Variants in TMEM232 observed in about 807,000 individuals in gnomAD.
The protein encoded by TMEM232 is transmembrane protein 232.
In TMEM232, 80 loss-of-function variants were observed where a neutral mutation model predicts 78.8. The observed-to-expected ratio is 1.01, with a 90% CI of 0.85 to 1.22. The LOEUF (loss-of-function observed/expected upper bound fraction) is 1.22. Ranked by LOEUF, TMEM232 falls within the 50% of genes most tolerant of loss-of-function variation. TMEM232 has a pLI of 0.00. For synonymous variants in TMEM232, 297 were observed against 254.3 expected, an observed-to-expected ratio of 1.17 and a Z score of -1.60; for missense variants, 881 against 742.2, an observed-to-expected ratio of 1.19 and a Z score of -2.17.
At chr5:110,566,160 T>C (rs1275785050) in intron 11 of TMEM232, among the ~76,000 whole-genome samples, 1 of 151,974 alleles carries the variant, frequency 6.6e-6, no homozygotes, top group Admixed American at 6.6e-5. Context: ...ATCAGTTCTA[T>C]GCTTTTTATA....
chr5:110,596,110 G>A (rs557072480), intron 10 of TMEM232, among the ~76,000 whole-genome samples: 32 of 152,160 alleles, frequency 2.1e-4, no homozygotes, highest in African/African-American at 7.2e-4. Context: ...GAAGAGAGTT[G>A]GGGCCAATAT....
intron 12 of TMEM232, among the ~76,000 whole-genome samples, chr5:110,480,753 C>T (rs1763772148): frequency 1.3e-5 from 2 of 152,058 alleles, no homozygotes; most frequent in African/African-American, 4.8e-5. Context: ...AAAAGACCAA[C>T]TATTCCTGAT....
chr5:110,513,978 T>G (rs755656349), intron 12 of TMEM232: 1 of 169,860 alleles, frequency 5.9e-6, no homozygotes, highest in Non-Finnish European at 1.5e-5. Context: ...ACTCCCAATC[T>G]CTGGGCATTT....
At chr5:110,436,463 T>A (rs1443138811) in intron 12 of TMEM232, among the ~76,000 whole-genome samples, 1 of 152,022 alleles carries the variant, frequency 6.6e-6, no homozygotes, top group Non-Finnish European at 1.5e-5. Flanking sequence ...AAACTTTATA[T>A]GATCCCATTT....
chr5:110,456,849 C>G lies in TMEM232; in HGVS notation c.1704-31933G>C, dbSNP rs905552795. On this transcript the variant is annotated intron_variant, in intron 12 of 13. Transcript: ENST00000455884. ...AAAGAAAAAAAGAGGAACTTTGACA[C>G]ATACCTTCCATGAGATTAAAAAAGT... 5.3e-5 allele frequency among the ~76,000 whole-genome samples: 8 copies of G among 152,168 alleles called. No homozygotes were observed. The East Asian group carries it at 1.5e-3, about 29-fold the overall frequency.
intron 12 of TMEM232, among the ~76,000 whole-genome samples, chr5:110,512,730 T>C (rs1767964097): frequency 6.6e-6 from 1 of 152,146 alleles, no homozygotes; most frequent in Non-Finnish European, 1.5e-5. Flanking sequence ...CCCCCTTTCT[T>C]TGAAAGAGCA....
intron 12 of TMEM232, among the ~76,000 whole-genome samples, chr5:110,509,024 T>TG: frequency 7.0e-6 from 1 of 142,560 alleles, no homozygotes; most frequent in African/African-American, 2.7e-5. Flanking sequence ...ATATATACAA[T>TG]TATATATACA....
intron 1 of TMEM232, among the ~76,000 whole-genome samples, chr5:110,704,420 G>A (rs1384632610): frequency 2.0e-5 from 3 of 152,078 alleles, no homozygotes; most frequent in African/African-American, 7.2e-5. Context: ...GCCCTTCAAG[G>A]ATGGAAAGTA....
chr5:110,476,385 T>C (rs1052921877), intron 12 of TMEM232, among the ~76,000 whole-genome samples: 19 of 151,976 alleles, frequency 1.3e-4, no homozygotes, highest in Non-Finnish European at 2.6e-4. Context: ...GCAGCTATTT[T>C]ACAAGTCAAA....
chr5:110,416,105 ATATAAATGTATT>A (rs1415502958), downstream of TMEM232, among the ~76,000 whole-genome samples: 2 of 152,270 alleles, frequency 1.3e-5, no homozygotes, highest in Non-Finnish European at 2.9e-5. Flanking sequence ...CTATACAAAT[ATATAAATGTATT>A]ATAGAAGATA....
At chr5:110,667,575 C>T (rs1190582030) in intron 1 of TMEM232, 3 of 303,844 alleles carry the variant, frequency 9.9e-6, no homozygotes, top group Middle Eastern at 9.5e-4. Flanking sequence ...TATATATATC[C>T]AGTCTTTATT....
At chr5:110,488,487 CAAG>C (rs1764700289) in intron 12 of TMEM232, among the ~76,000 whole-genome samples, 1 of 151,808 alleles carries the variant, frequency 6.6e-6, no homozygotes, top group African/African-American at 2.4e-5. Flanking sequence ...GCAATTGGTT[CAAG>C]AAGAAATAAC....
rs755986765 is a variant in TMEM232 at position 110,509,645 on chromosome 5, G to A, written c.1703+18943C>T. Among the ~76,000 whole-genome samples, 19 of 151,862 alleles carry A rather than the reference G, an allele frequency of 1.3e-4. No homozygotes were observed. The East Asian group carries it at 2.9e-3, about 23-fold the overall frequency. On this transcript the variant is annotated intron_variant, in intron 12 of 13. Transcript: ENST00000455884. ...ATTATATATGGTATACAATATTACC[G>A]CCCTTCCCATGTAATGCATTTAATA...
chr5:110,475,429 T>C lies in TMEM232; in HGVS notation c.1704-50513A>G, dbSNP rs565949619. 2.0e-5 allele frequency among the ~76,000 whole-genome samples: 3 copies of C among 149,176 alleles called. No homozygotes were observed. In the East Asian group the frequency reaches 6.0e-4, roughly 30 times the overall value. ...TTTTAGTCAAGAGGGAGTAACAGAT[T>C]TCTATTTATACTTTGATTTTTTTTT... On this transcript the variant is annotated intron_variant, in intron 12 of 13. Transcript: ENST00000455884.
chr5:110,437,414 A>G (rs1166690111), intron 12 of TMEM232, among the ~76,000 whole-genome samples: 1 of 152,038 alleles, frequency 6.6e-6, no homozygotes, highest in African/African-American at 2.4e-5. Context: ...TATATTTATG[A>G]AAGGCTATAA....
chr5:110,738,444 A>G (rs1022962349), upstream of TMEM232, among the ~76,000 whole-genome samples: 6 of 152,194 alleles, frequency 3.9e-5, no homozygotes, highest in Admixed American at 2.6e-4. Flanking sequence ...GTATTCGAGT[A>G]CGTGGGTTTC....
At chr5:110,416,748 A>G (rs913929806), downstream of TMEM232, among the ~76,000 whole-genome samples, 2 of 152,212 alleles carry the variant, frequency 1.3e-5, no homozygotes, top group Non-Finnish European at 2.9e-5. Flanking sequence ...AAACATCACT[A>G]TAGTTTCTAA....
chr5:110,673,013 T>C (rs1391515202), intron 1 of TMEM232, among the ~76,000 whole-genome samples: 1 of 152,156 alleles, frequency 6.6e-6, no homozygotes, highest in African/African-American at 2.4e-5. Flanking sequence ...CGCATGTTTA[T>C]TGCGGCACTA....
At chr5:110,468,122 T>A (rs901759232) in intron 12 of TMEM232, among the ~76,000 whole-genome samples, 4 of 151,908 alleles carry the variant, frequency 2.6e-5, no homozygotes, top group African/African-American at 9.7e-5. Flanking sequence ...GATAGATACA[T>A]TACTTTACTT....
Sources: gnomAD v4.1 joint callset for allele counts (sites outside exome capture counted in the v4.1 genomes callset) on GRCh38, gnomAD v4.1.1 for gene constraint, MANE v1.5 for transcripts, NCBI Gene and HGNC (gene_info 2026-07-23, HGNC 2026-07-21) for gene names.